Variants in FOXP1 observed in about 807,000 individuals in gnomAD.
The protein encoded by FOXP1 is forkhead box P1.
In FOXP1, 15 loss-of-function variants were observed where a neutral mutation model predicts 98.2. The ratio of observed to expected loss-of-function variants is 0.15; its 90% CI spans 0.10 to 0.24. The LOEUF (loss-of-function observed/expected upper bound fraction) is 0.24. Ranked by LOEUF, FOXP1 falls within the 10% of genes least tolerant of loss-of-function variation. FOXP1 has a pLI of 1.00. For missense variants in FOXP1, 633 were observed against 848.5 expected (o/e 0.75, Z 3.15); for synonymous variants, 371 against 314.5 (o/e 1.18, Z -1.90).
Position 70,958,092 on chromosome 3 carries a change from G to T in FOXP1, c.*1155C>A. 3.2e-6 allele frequency: 1 copy of T among 316,670 alleles called. No individual in the cohort carries two copies. The highest frequency in any genetic ancestry group is 6.1e-6 in the Non-Finnish European group (1 of 165,150). 19.6% of individuals were successfully genotyped at this position (316,670 alleles called of 1,614,324 possible). On this transcript the variant is annotated 3_prime_UTR_variant, in exon 21 of 21. Transcript: ENST00000649528. The stretch of plus-strand genomic sequence containing the variant: ...GGTTCCACAAGGGAGAGCCTTCCAA[G>T]GCCATATTGTCAGTCTAATTAATAT...
intron 6 of FOXP1, among the ~76,000 whole-genome samples, chr3:71,127,446 T>TC (rs1428373841): frequency 7.2e-5 from 11 of 151,996 alleles, no homozygotes; most frequent in African/African-American, 2.2e-4. Flanking sequence ...TGCTGTATCT[T>TC]TAAAAAAAAT....
chr3:70,957,149 C>T lies in FOXP1; in HGVS notation c.*2098G>A. On this transcript the variant is annotated 3_prime_UTR_variant, in exon 21 of 21. Coordinates refer to ENST00000649528, the MANE Select transcript of FOXP1 (RefSeq NM_001349338.3). ...TGGATACTCTAATTGCAGTGGCATA[C>T]ATTCATTTTTTTTTTGAGATGGGAC... The T allele has an allele frequency of 4.5e-6, 1 of 221,820 alleles. No individual in the cohort carries two copies. The highest frequency in any genetic ancestry group is 1.4e-3 in the Middle Eastern group (1 of 712). The allele number at this position is 221,820 out of a possible 1,614,324, so 13.7% of individuals were successfully genotyped here.
intron 2 of FOXP1, among the ~76,000 whole-genome samples, chr3:71,529,356 T>A (rs1286471911): frequency 6.6e-6 from 1 of 152,224 alleles, no homozygotes; most frequent in Non-Finnish European, 1.5e-5. Context: ...GAAAATTGCA[T>A]CAAACTCCTT....
intron 2 of FOXP1, among the ~76,000 whole-genome samples, chr3:71,565,154 T>C (rs984090390): frequency 6.6e-6 from 1 of 152,108 alleles, no homozygotes; most frequent in African/African-American, 2.4e-5. Context: ...TTAGGGGCTA[T>C]ACAGATACCA....
chr3:71,286,300 T>C (rs1346141955), intron 5 of FOXP1, among the ~76,000 whole-genome samples: 1 of 149,672 alleles, frequency 6.7e-6, no homozygotes, highest in Non-Finnish European at 1.5e-5. Context: ...CCATGTAGAG[T>C]GTCCCCCGCC....
At chr3:71,337,290 C>T (rs2076743264) in intron 4 of FOXP1, among the ~76,000 whole-genome samples, 2 of 152,110 alleles carry the variant, frequency 1.3e-5, no homozygotes. Flanking sequence ...TATATGAATG[C>T]AACTTAATAC....
At chr3:71,052,692 C>A (rs942882310) in intron 8 of FOXP1, 66 bp from the exon 9 acceptor site, 2 of 850,624 alleles carry the variant, frequency 2.4e-6, no homozygotes, top group Non-Finnish European at 4.1e-6. Flanking sequence ...CTTTTGGTGC[C>A]ATACACAAAC....
At chr3:70,966,931 A>C (rs1008510395) in intron 19 of FOXP1, among the ~76,000 whole-genome samples, 1 of 152,228 alleles carries the variant, frequency 6.6e-6, no homozygotes, top group African/African-American at 2.4e-5. Context: ...CGCTAGTTAC[A>C]TATACCACTG....
intron 5 of FOXP1, among the ~76,000 whole-genome samples, chr3:71,216,487 T>C (rs945287652): frequency 1.3e-5 from 2 of 152,178 alleles, no homozygotes; most frequent in Non-Finnish European, 2.9e-5. Flanking sequence ...AGCTGCAACG[T>C]GCTTCAGGTA....
chr3:71,493,129 C>A (rs1038207856), intron 3 of FOXP1, among the ~76,000 whole-genome samples: 2 of 151,648 alleles, frequency 1.3e-5, no homozygotes, highest in Non-Finnish European at 2.9e-5. Flanking sequence ...GTAATGGGAC[C>A]AAAAAAACAA....
chr3:71,548,986 A>G (rs1228096196), intron 2 of FOXP1, among the ~76,000 whole-genome samples: 2 of 152,224 alleles, frequency 1.3e-5, no homozygotes, highest in East Asian at 1.9e-4. Context: ...TCCAAGGTTA[A>G]TAAGAGGCAG....
chr3:71,103,328 C>A (rs2057134017), intron 7 of FOXP1, among the ~76,000 whole-genome samples: 1 of 152,182 alleles, frequency 6.6e-6, no homozygotes, highest in African/African-American at 2.4e-5. Flanking sequence ...CATGTTCCTG[C>A]AATGAATGTT....
At chr3:71,255,470 G>A (rs138586422) in intron 5 of FOXP1, among the ~76,000 whole-genome samples, 19 of 151,992 alleles carry the variant, frequency 1.3e-4, no homozygotes, top group African/African-American at 3.9e-4. Flanking sequence ...ATGTTTCCTC[G>A]CTTTCATACT....
chr3:71,181,673 G>A (rs772591649), intron 6 of FOXP1, among the ~76,000 whole-genome samples: 3 of 152,158 alleles, frequency 2.0e-5, no homozygotes, highest in Non-Finnish European at 4.4e-5. Context: ...GTGGACATGC[G>A]ACATGATTAA....
At chr3:71,376,361 A>G (rs1450648159) in intron 3 of FOXP1, among the ~76,000 whole-genome samples, 3 of 152,258 alleles carry the variant, frequency 2.0e-5, no homozygotes, top group South Asian at 2.1e-4. Context: ...CACTGAGTCC[A>G]TTTACGGAGA....
intron 14 of FOXP1, among the ~76,000 whole-genome samples, chr3:70,982,734 C>G (rs2039074039): frequency 1.3e-5 from 2 of 151,318 alleles, no homozygotes; most frequent in South Asian, 4.2e-4. Flanking sequence ...TAGTTTTTAA[C>G]AGTAATCTCC....
intron 7 of FOXP1, among the ~76,000 whole-genome samples, chr3:71,082,651 C>CA (rs2054578712): frequency 6.7e-6 from 1 of 148,498 alleles, no homozygotes; most frequent in African/African-American, 2.5e-5. Flanking sequence ...AAAACAACAA[C>CA]AACAAAAAAA....
intron 5 of FOXP1, among the ~76,000 whole-genome samples, chr3:71,256,502 G>A (rs1317144607): frequency 6.6e-6 from 1 of 152,146 alleles, no homozygotes; most frequent in African/African-American, 2.4e-5. Context: ...TCCTGCCGCA[G>A]CCTCCCGAGT....
chr3:71,227,747 AC>A (rs2065954191), intron 5 of FOXP1, among the ~76,000 whole-genome samples: 2 of 151,936 alleles, frequency 1.3e-5, no homozygotes, highest in African/African-American at 4.8e-5. Context: ...AAAAAAAAAA[AC>A]AGTCAAAGGA....
Sources: gnomAD v4.1 joint callset for allele counts (sites outside exome capture counted in the v4.1 genomes callset) on GRCh38, gnomAD v4.1.1 for gene constraint, MANE v1.5 for transcripts, NCBI Gene and HGNC (gene_info 2026-07-23, HGNC 2026-07-21) for gene names.